Variants in ROR1 observed in about 807,000 individuals in gnomAD.
The protein encoded by ROR1 is ROR family WNT receptor 1.
A neutral mutation model predicts 78.8 loss-of-function variants in ROR1; 19 were observed. That is an observed-to-expected ratio of 0.24 (90% confidence interval 0.17 to 0.35). ROR1 has a LOEUF of 0.35. Among genes scored for constraint, ROR1 ranks in the 10% least tolerant of loss-of-function variants. The pLI is 1.00. For synonymous variants in ROR1, 386 were observed against 433.6 expected, an observed-to-expected ratio of 0.89 and a Z score of 1.36; for missense variants, 917 against 1,177.8, an observed-to-expected ratio of 0.78 and a Z score of 3.24.
chr1:63,890,625 G>A (rs577373561), intron 1 of ROR1, among the ~76,000 whole-genome samples: 1 of 152,100 alleles, frequency 6.6e-6, no homozygotes, highest in African/African-American at 2.4e-5. Flanking sequence ...GGTGATGATG[G>A]ATCTAGAAGG....
intron 1 of ROR1, among the ~76,000 whole-genome samples, chr1:63,901,020 A>G (rs1645481148): frequency 6.6e-6 from 1 of 152,106 alleles, no homozygotes; most frequent in Non-Finnish European, 1.5e-5. Flanking sequence ...TGAGGCCCAG[A>G]GGGGTTACAT....
intron 1 of ROR1, among the ~76,000 whole-genome samples, chr1:63,817,904 CTCTGAAGCCCATA>C (rs1644901817): frequency 6.6e-6 from 1 of 152,152 alleles, no homozygotes. Context: ...AGAAGCCCAC[CTCTGAAGCCCATA>C]GAGAAATGCA....
At position 63,774,413 on chromosome 1, in the gene ROR1, G is replaced by C; in HGVS notation, c.-5G>C. 1 of 1,237,368 alleles carries C rather than the reference G, an allele frequency of 8.1e-7. No individual in the cohort carries two copies. Among genetic ancestry groups the C allele is most frequent in the Non-Finnish European group, 1.0e-6 (1 of 989,000 alleles). The allele number at this position is 1,237,368 out of a possible 1,614,324, so 76.6% of individuals were successfully genotyped here. ...GCCGCCGCCGCCGCCTCAGCGAGAG[G>C]AGGAATGCACCGGCCGCGCCGCCGC... On this transcript the variant is annotated 5_prime_UTR_variant, in exon 1 of 9. Coordinates refer to ENST00000371079, the MANE Select transcript of ROR1 (RefSeq NM_005012.4). This position sits in a 1 kb window ranked among gnomAD's most constrained non-coding sequence, Gnocchi z 5.7.
intron 4 of ROR1, among the ~76,000 whole-genome samples, chr1:64,085,365 A>G (rs1014835768): frequency 3.3e-5 from 5 of 152,130 alleles, no homozygotes; most frequent in Admixed American, 1.3e-4. Flanking sequence ...GTTGGGTGCT[A>G]TGGAACCCAC....
chr1:63,840,281 G>GTTTT (rs35330369), intron 1 of ROR1, among the ~76,000 whole-genome samples: 1 of 139,680 alleles, frequency 7.2e-6, no homozygotes, highest in Non-Finnish European at 1.5e-5. Flanking sequence ...TTGTCGTTTA[G>GTTTT]TTTTTTTTTT....
At chr1:63,777,314 C>A (rs761080004) in intron 1 of ROR1, among the ~76,000 whole-genome samples, 2 of 152,280 alleles carry the variant, frequency 1.3e-5, no homozygotes, top group African/African-American at 2.4e-5. Flanking sequence ...AGGTATTTGT[C>A]TGTACTTTTA....
chr1:64,074,192 G>A (rs1261606575), intron 4 of ROR1, among the ~76,000 whole-genome samples: 2 of 152,106 alleles, frequency 1.3e-5, no homozygotes, highest in Non-Finnish European at 2.9e-5. Context: ...GTGGCCACAT[G>A]ACCAAGCCAG....
chr1:64,055,406 G>A (rs540657325), intron 4 of ROR1, among the ~76,000 whole-genome samples: 174 of 152,328 alleles, frequency 1.1e-3, no homozygotes, highest in Non-Finnish European at 2.1e-3. Flanking sequence ...TAGGCTCTAA[G>A]AAGAGTCCAT....
At chr1:64,020,444 C>T (rs1646555947) in intron 2 of ROR1, among the ~76,000 whole-genome samples, 1 of 152,172 alleles carries the variant, frequency 6.6e-6, no homozygotes, top group Non-Finnish European at 1.5e-5. Flanking sequence ...ACATTCTTCC[C>T]TTTGGATACT....
intron 1 of ROR1, among the ~76,000 whole-genome samples, chr1:63,917,118 T>A (rs1645615101): frequency 6.6e-6 from 1 of 152,136 alleles, no homozygotes; most frequent in Non-Finnish European, 1.5e-5. Context: ...TCAGGTGACC[T>A]CTTACATTGG....
At chr1:64,117,515 T>G (rs1347012216) in intron 4 of ROR1, among the ~76,000 whole-genome samples, 1 of 152,222 alleles carries the variant, frequency 6.6e-6, no homozygotes, top group Non-Finnish European at 1.5e-5. Context: ...AGAAGTTTGA[T>G]CTGCCAGTAT....
At chr1:64,102,611 A>G (rs1203141293) in intron 4 of ROR1, among the ~76,000 whole-genome samples, 1 of 152,180 alleles carries the variant, frequency 6.6e-6, no homozygotes, top group African/African-American at 2.4e-5. Flanking sequence ...CTGTGATGGG[A>G]ATATGCACAA....
At chr1:64,099,538 CTA>C (rs998779784) in intron 4 of ROR1, among the ~76,000 whole-genome samples, 3 of 151,846 alleles carry the variant, frequency 2.0e-5, no homozygotes, top group Non-Finnish European at 4.4e-5. Context: ...CAAATGGAAA[CTA>C]TAAAAGCAAA....
intron 1 of ROR1, chr1:63,788,977 G>T (rs530051410): frequency 1.5e-6 from 1 of 661,972 alleles, no homozygotes; most frequent in South Asian, 1.4e-5. Context: ...TTAGATATGC[G>T]GTATCTTCTG....
intron 1 of ROR1, among the ~76,000 whole-genome samples, chr1:63,793,399 A>G (rs1386453828): frequency 6.6e-6 from 1 of 152,256 alleles, no homozygotes; most frequent in African/African-American, 2.4e-5. Context: ...GAATAATTAG[A>G]ATGTTCCTAG....
chr1:64,047,792 G>A (rs1646796578), intron 2 of ROR1, among the ~76,000 whole-genome samples: 1 of 152,214 alleles, frequency 6.6e-6, no homozygotes, highest in South Asian at 2.1e-4. Context: ...GGAGAAACAT[G>A]CCCAAAGATA....
intron 1 of ROR1, among the ~76,000 whole-genome samples, chr1:63,942,244 C>T (rs1367999149): frequency 6.6e-6 from 1 of 152,148 alleles, no homozygotes; most frequent in Non-Finnish European, 1.5e-5. Flanking sequence ...TTTTCTGAGC[C>T]TTGGTTCCCA....
intron 1 of ROR1, among the ~76,000 whole-genome samples, chr1:63,967,464 G>A (rs530878364): frequency 2.6e-5 from 4 of 152,078 alleles, no homozygotes; most frequent in South Asian, 2.1e-4. Context: ...AGGCTCCATC[G>A]ATCCTCCTGC....
chr1:63,994,121 A>G (rs780247007), intron 1 of ROR1, among the ~76,000 whole-genome samples: 6 of 152,272 alleles, frequency 3.9e-5, no homozygotes, highest in Non-Finnish European at 5.9e-5. Context: ...CATGTTTGAT[A>G]TGTTTAAAGA....
Sources: gnomAD v4.1 joint callset for allele counts (sites outside exome capture counted in the v4.1 genomes callset) on GRCh38, gnomAD v4.1.1 for gene constraint, Gnocchi (gnomAD v3.1) non-coding constraint, MANE v1.5 for transcripts, NCBI Gene and HGNC (gene_info 2026-07-23, HGNC 2026-07-21) for gene names.